DENND2B: variants seen among roughly 807,000 people sequenced by gnomAD.
DENND2B encodes DENN domain containing 2B, also known as DENN domain-containing protein 2B.
A neutral mutation model predicts 116.0 loss-of-function variants in DENND2B; 32 were observed. The observed-to-expected ratio is 0.28, with a 90% CI of 0.21 to 0.37. The LOEUF (loss-of-function observed/expected upper bound fraction) is 0.37. Ranked by LOEUF, DENND2B falls within the 10% of genes least tolerant of loss-of-function variation. The pLI, the probability that DENND2B is intolerant of heterozygous loss-of-function variation, is 1.00. For missense variants in DENND2B, 1,276 were observed against 1,477.7 expected, an observed-to-expected ratio of 0.86 and a Z score of 2.24; for synonymous variants, 588 against 583.9, an observed-to-expected ratio of 1.01 and a Z score of -0.10.
intron 1 of DENND2B, among the ~76,000 whole-genome samples, chr11:8,908,217 A>C (rs916940010): frequency 6.6e-6 from 1 of 152,190 alleles, no homozygotes; most frequent in Non-Finnish European, 1.5e-5. Flanking sequence ...ACACACAAAA[A>C]ATTTTTTTAA....
At chr11:8,772,737 C>A (rs994942627) in intron 1 of DENND2B, among the ~76,000 whole-genome samples, 1 of 152,104 alleles carries the variant, frequency 6.6e-6, no homozygotes, top group African/African-American at 2.4e-5. Context: ...GCGGCTCCAG[C>A]GTTCCAGCAA....
chr11:8,880,349 GT>G (rs1566079944), intron 2 of DENND2B, among the ~76,000 whole-genome samples: 3,518 of 149,968 alleles, frequency 0.023, 50 homozygotes, highest in Middle Eastern at 0.031. Flanking sequence ...TTTGAACTGT[GT>G]GTGTGTGTGT....
chr11:8,868,738 G>A (rs1266830273), intron 2 of DENND2B, among the ~76,000 whole-genome samples: 1 of 152,190 alleles, frequency 6.6e-6, no homozygotes, highest in African/African-American at 2.4e-5. Flanking sequence ...AGTCCAAATG[G>A]TCTGCTCTCC....
upstream of DENND2B, among the ~76,000 whole-genome samples, chr11:8,813,576 A>G (rs2061467759): frequency 6.6e-6 from 1 of 152,170 alleles, no homozygotes; most frequent in Non-Finnish European, 1.5e-5. Context: ...TAATAAGATA[A>G]TATTAATAAT....
chr11:8,797,474 C>T (rs2059927911), intron 1 of DENND2B, among the ~76,000 whole-genome samples: 1 of 127,828 alleles, frequency 7.8e-6, no homozygotes, highest in African/African-American at 2.8e-5. Context: ...CCCCTTTCTT[C>T]CCCTTCTTCC....
At chr11:8,825,874 C>A (rs2061959672) in intron 4 of DENND2B, among the ~76,000 whole-genome samples, 1 of 151,994 alleles carries the variant, frequency 6.6e-6, no homozygotes, top group Non-Finnish European at 1.5e-5. Context: ...AACACAGGGC[C>A]CAGATCAAAT....
chr11:8,866,495 C>T lies in DENND2B; in HGVS notation c.-250+4459G>A, dbSNP rs550960258. On this transcript the variant is annotated intron_variant, in intron 2 of 6. Coordinates refer to the DENND2B transcript ENST00000524757. ...CTCCCGGGAAGACATACCAAATGAT[C>T]CCCAACCAACAATGAGCTTTGCCAT... Among the ~76,000 whole-genome samples, 39 of 152,300 alleles carry T rather than the reference C, an allele frequency of 2.6e-4. No homozygotes were observed. In the South Asian group the frequency reaches 4.6e-3, roughly 18 times the overall value.
chr11:8,755,176 GA>G (rs2053390681), intron 1 of DENND2B, among the ~76,000 whole-genome samples: 1 of 152,180 alleles, frequency 6.6e-6, no homozygotes, highest in Admixed American at 6.5e-5. Flanking sequence ...CACGGAAGCT[GA>G]ACAGTTTACA....
intron 3 of DENND2B, among the ~76,000 whole-genome samples, chr11:8,848,832 G>C (rs34581555): frequency 0.19 from 28,603 of 151,526 alleles, 3,501 homozygotes; most frequent in Middle Eastern, 0.36. Context: ...ATATTTATTG[G>C]GTATCTACTG....
intron 2 of DENND2B, among the ~76,000 whole-genome samples, chr11:8,865,938 G>A (rs891959911): frequency 2.6e-5 from 4 of 151,316 alleles, no homozygotes; most frequent in Non-Finnish European, 5.9e-5. Context: ...AGAGGATATT[G>A]CAGCCCTATT....
At chr11:8,891,639 AAAG>A (rs2064034319) in intron 1 of DENND2B, among the ~76,000 whole-genome samples, 1 of 152,214 alleles carries the variant, frequency 6.6e-6, no homozygotes, top group African/African-American at 2.4e-5. Flanking sequence ...CAAAAGAGAC[AAAG>A]AAGGCCATTA....
intron 1 of DENND2B, among the ~76,000 whole-genome samples, chr11:8,803,573 G>A (rs2060545346): frequency 6.6e-6 from 1 of 152,196 alleles, no homozygotes; most frequent in Admixed American, 6.5e-5. Context: ...GCTATATGTA[G>A]GCAGAGAAAT....
intron 3 of DENND2B, among the ~76,000 whole-genome samples, chr11:8,848,973 C>T (rs1385272579): frequency 1.3e-5 from 2 of 151,762 alleles, no homozygotes; most frequent in Non-Finnish European, 2.9e-5. Context: ...GGCTAAATCA[C>T]AGGTACTGCC....
At chr11:8,736,900 T>C (rs1327018273) in intron 2 of DENND2B, among the ~76,000 whole-genome samples, 1 of 152,184 alleles carries the variant, frequency 6.6e-6, no homozygotes, top group Admixed American at 6.5e-5. Context: ...AGTGACAGAA[T>C]CTGACTTCAC....
At position 8,746,279 on chromosome 11, in the gene DENND2B, G is replaced by C. The variant is rs557842107; in HGVS notation, c.80+4342C>G. Among the ~76,000 whole-genome samples, 15 of 152,308 alleles carry C rather than the reference G, an allele frequency of 9.8e-5. No homozygotes were observed. The South Asian group carries it at 3.1e-3, about 32-fold the overall frequency. ...GGCCATGGAACCTCAAGACATCTCT[G>C]GATTTCACTGTATCACAAACTGAGG... On this transcript the variant is annotated intron_variant, in intron 2 of 19. Coordinates refer to ENST00000313726, the MANE Select transcript of DENND2B (RefSeq NM_213618.2).
chr11:8,701,032 C>G (rs1412126451), intron 14 of DENND2B, among the ~76,000 whole-genome samples: 1 of 152,058 alleles, frequency 6.6e-6, no homozygotes, highest in Non-Finnish European at 1.5e-5. Flanking sequence ...TGTGATCTGC[C>G]CACCTCGGCC....
chr11:8,765,340 G>T (rs1436217607), intron 1 of DENND2B, among the ~76,000 whole-genome samples: 1 of 152,176 alleles, frequency 6.6e-6, no homozygotes, highest in Non-Finnish European at 1.5e-5. Flanking sequence ...GTGTGCTGAG[G>T]TGCCCCAAAG....
At chr11:8,696,320 G>A in intron 18 of DENND2B, 107 bp downstream of exon 18, 1 of 1,495,784 alleles carries the variant, frequency 6.7e-7, no homozygotes, top group Admixed American at 2.1e-5. Context: ...GGGATGTTAA[G>A]AGGCCTGGCC....
intron 2 of DENND2B, among the ~76,000 whole-genome samples, chr11:8,742,180 G>C (rs1053082840): frequency 8.5e-5 from 13 of 152,294 alleles, no homozygotes; most frequent in African/African-American, 2.6e-4. Flanking sequence ...GATTACAAGC[G>C]TGAGCCACTG....
Sources: allele counts gnomAD v4.1 joint callset (sites outside exome capture counted in the v4.1 genomes callset), GRCh38; gene constraint gnomAD v4.1.1; transcripts MANE v1.5; gene names NCBI Gene and HGNC (gene_info 2026-07-23, HGNC 2026-07-21).